PRKN: variants seen among roughly 807,000 people sequenced by gnomAD.
PRKN encodes the protein parkin RBR E3 ubiquitin protein ligase.
Under a neutral mutation model 59.5 loss-of-function variants are expected in PRKN, and 56 were observed. That is an observed-to-expected ratio of 0.94 (90% CI 0.76 to 1.18). The LOEUF (loss-of-function observed/expected upper bound fraction) is 1.18, where lower values mean the gene tolerates loss of function less well. Ranked by LOEUF, PRKN falls within the 50% of genes most tolerant of loss-of-function variation. PRKN has a pLI of 0.00. For missense variants in PRKN, 657 were observed against 596.4 expected (o/e 1.10, Z -1.06); for synonymous variants, 250 against 222.1 (o/e 1.13, Z -1.12).
intron 2 of PRKN, among the ~76,000 whole-genome samples, chr6:162,364,977 CTCTTTT>C (rs1332573025): frequency 2.9e-5 from 4 of 138,184 alleles, no homozygotes; most frequent in South Asian, 2.3e-4. Context: ...CTCTCTCTCT[CTCTTTT>C]TTTTTTTTTT....
intron 7 of PRKN, among the ~76,000 whole-genome samples, chr6:161,777,793 GA>G (rs1162590385): frequency 2.2e-5 from 3 of 136,284 alleles, no homozygotes; most frequent in South Asian, 2.3e-4. Context: ...ATGTATATAT[GA>G]TATATGTATA....
At chr6:161,513,160 T>G (rs943010283) in intron 9 of PRKN, among the ~76,000 whole-genome samples, 27 of 152,206 alleles carry the variant, frequency 1.8e-4, no homozygotes, top group African/African-American at 6.0e-4. Context: ...AAATAAAAAT[T>G]TGGCTGCCTC....
chr6:162,541,338 G>A (rs1778919564), intron 1 of PRKN, among the ~76,000 whole-genome samples: 1 of 152,210 alleles, frequency 6.6e-6, no homozygotes, highest in Non-Finnish European at 1.5e-5. Context: ...GTTGAGGCAT[G>A]CATCATGCAG....
intron 1 of PRKN, among the ~76,000 whole-genome samples, chr6:162,510,083 G>A (rs1022985210): frequency 7.2e-5 from 11 of 152,196 alleles, no homozygotes; most frequent in African/African-American, 2.7e-4. Flanking sequence ...TCAGTGAAGA[G>A]TGTCTTGACA....
chr6:162,710,416 A>AC (rs1778494282), intron 1 of PRKN, among the ~76,000 whole-genome samples: 1 of 51,106 alleles, frequency 2.0e-5, no homozygotes, highest in Non-Finnish European at 3.8e-5. Context: ...CACACACACA[A>AC]CTGTTTGGTA....
intron 4 of PRKN, among the ~76,000 whole-genome samples, chr6:162,138,860 T>C (rs568510222): frequency 2.0e-5 from 3 of 151,310 alleles, no homozygotes; most frequent in South Asian, 2.1e-4. Context: ...ACCAAGAAAA[T>C]AGGGCCAGAG....
intron 6 of PRKN, among the ~76,000 whole-genome samples, chr6:161,870,081 C>T (rs983227037): frequency 2.0e-5 from 3 of 152,110 alleles, no homozygotes; most frequent in Admixed American, 2.0e-4. Flanking sequence ...TAGAAAAGTA[C>T]ATTTTCTCCC....
At chr6:162,647,411 C>T (rs892394351) in intron 1 of PRKN, among the ~76,000 whole-genome samples, 1 of 151,978 alleles carries the variant, frequency 6.6e-6, no homozygotes, top group African/African-American at 2.4e-5. Context: ...TCTTAACACT[C>T]ATTTTATTTG....
intron 1 of PRKN, among the ~76,000 whole-genome samples, chr6:162,588,970 G>A (rs1325396380): frequency 6.6e-6 from 1 of 152,090 alleles, no homozygotes; most frequent in Non-Finnish European, 1.5e-5. Flanking sequence ...TATGAGTGTG[G>A]ACCGGATGAA....
chr6:162,354,952 CTCAG>C (rs1784784909), intron 2 of PRKN, among the ~76,000 whole-genome samples: 2 of 151,398 alleles, frequency 1.3e-5, no homozygotes, highest in South Asian at 4.2e-4. Flanking sequence ...TTTACTTTTC[CTCAG>C]TCAATTAAAA....
intron 2 of PRKN, among the ~76,000 whole-genome samples, chr6:162,440,473 TA>T (rs1445144183): frequency 6.6e-6 from 1 of 152,200 alleles, no homozygotes; most frequent in Non-Finnish European, 1.5e-5. Context: ...TACTGCTCAG[TA>T]TGTGGGGTGA....
chr6:161,349,747 C>T lies in PRKN; in HGVS notation c.*352G>A, dbSNP rs1482424341. On this transcript the variant is annotated 3_prime_UTR_variant, in exon 12 of 12. Coordinates refer to ENST00000366898, the MANE Select transcript of PRKN (RefSeq NM_004562.3). The surrounding 1 kb of genome is among the most constrained non-coding windows in gnomAD (Gnocchi z 5.5). ...GTCTCGAATTCAGGTGAGAATGACCCATACAGATACATGGATTGCACTTGA... is the reference window on the plus strand; with the variant it reads ...GTCTCGAATTCAGGTGAGAATGACCTATACAGATACATGGATTGCACTTGA... 1 of 435,708 alleles carries T rather than the reference C, an allele frequency of 2.3e-6. No individual in the cohort carries two copies. Among genetic ancestry groups the T allele is most frequent in the Non-Finnish European group, 4.3e-6 (1 of 234,524 alleles). 27.0% of individuals were successfully genotyped at this position (435,708 alleles called of 1,614,324 possible). A position where few individuals can be genotyped will look rare whatever the true frequency, so the allele number is the denominator to read the frequency against.
rs1778635277 is a variant in PRKN at position 162,235,853 on chromosome 6, G to A, written c.412+26672C>T. On this transcript the variant is annotated intron_variant, in intron 3 of 11. Coordinates refer to ENST00000366898, the MANE Select transcript of PRKN (RefSeq NM_004562.3). Reference sequence around the variant, plus strand: ...GAGAGGGAGGGAGGAAAGGAGGGAGGAAAGAAAGAAAAAGACGGAAAGAAA... The same window carrying A: ...GAGAGGGAGGGAGGAAAGGAGGGAGAAAAGAAAGAAAAAGACGGAAAGAAA... Among the ~76,000 whole-genome samples, 3 of 148,500 alleles carry A rather than the reference G, an allele frequency of 2.0e-5. No individual in the cohort carries two copies. The South Asian group carries it at 6.5e-4, about 32-fold the overall frequency.
At chr6:162,428,591 A>T (rs1270849920) in intron 2 of PRKN, among the ~76,000 whole-genome samples, 1 of 152,086 alleles carries the variant, frequency 6.6e-6, no homozygotes. Flanking sequence ...CATGAGTTCT[A>T]TATCTCACAT....
chr6:162,579,635 T>TCA (rs370905211), intron 1 of PRKN, among the ~76,000 whole-genome samples: 15,397 of 150,968 alleles, frequency 0.1, 917 homozygotes, highest in Middle Eastern at 0.19. Flanking sequence ...ACACACAAAT[T>TCA]CACACAGATT....
chr6:161,585,504 G>A (rs971250466), intron 7 of PRKN, among the ~76,000 whole-genome samples: 4 of 152,106 alleles, frequency 2.6e-5, no homozygotes, highest in African/African-American at 4.8e-5. Context: ...TATTCTAAAC[G>A]CCAAATAGAG....
chr6:161,595,683 TCA>T (rs1781889088), intron 7 of PRKN, among the ~76,000 whole-genome samples: 1 of 152,036 alleles, frequency 6.6e-6, no homozygotes, highest in Non-Finnish European at 1.5e-5. Context: ...CAGGGTGAGG[TCA>T]GCCCAAATTC....
chr6:162,696,041 TG>T, intron 1 of PRKN, among the ~76,000 whole-genome samples: 1 of 152,072 alleles, frequency 6.6e-6, no homozygotes, highest in African/African-American at 2.4e-5. Flanking sequence ...AGAAAGTGCC[TG>T]GAACATGGTA....
chr6:162,139,732 T>C lies in PRKN; in HGVS notation c.534+61399A>G, dbSNP rs572716376. ...CCTCAGAGGACATGAGTAAAAAGTA[T>C]AAAAACAGACCCGCACCTATACATA... On this transcript the variant is annotated intron_variant, in intron 4 of 11. Transcript: ENST00000366898. 1.2e-4 allele frequency among the ~76,000 whole-genome samples: 19 copies of C among 152,172 alleles called. No homozygotes were observed. In the East Asian group the frequency reaches 3.3e-3, roughly 26 times the overall value.
Sources: gnomAD v4.1 joint callset for allele counts (sites outside exome capture counted in the v4.1 genomes callset) on GRCh38, gnomAD v4.1.1 for gene constraint, Gnocchi (gnomAD v3.1) non-coding constraint, MANE v1.5 for transcripts, NCBI Gene and HGNC (gene_info 2026-07-23, HGNC 2026-07-21) for gene names.